The following ZDHHC15 variants were observed in gnomAD, a reference collection of about 807,000 sequenced individuals.
ZDHHC15 encodes the protein zDHHC palmitoyltransferase 15, also known as palmitoyltransferase ZDHHC15.
A neutral mutation model predicts 31.7 loss-of-function variants in ZDHHC15; 19 were observed. That is an observed-to-expected ratio of 0.60 (90% CI 0.42 to 0.88). ZDHHC15 has a LOEUF of 0.88. ZDHHC15 is among the 40% of genes least tolerant of loss of function. The pLI is 0.00. For synonymous variants in ZDHHC15, 103 were observed against 90.0 expected (o/e 1.14, Z -0.82); for missense variants, 209 against 251.2 (o/e 0.83, Z 1.14).
intron 10 of ZDHHC15, among the ~76,000 whole-genome samples, chrX:75,385,322 C>T (rs1278441369): frequency 9.0e-6 from 1 of 111,033 alleles, no homozygotes; most frequent in Admixed American, 9.6e-5. Context: ...GGGATTACAG[C>T]AATCTCTGGC....
intron 10 of ZDHHC15, among the ~76,000 whole-genome samples, chrX:75,413,726 A>G (rs1217518104): frequency 9.0e-6 from 1 of 111,071 alleles, no homozygotes; most frequent in African/African-American, 3.3e-5. Context: ...AACACAGAAC[A>G]TTCAAAAAGG....
intron 8 of ZDHHC15, among the ~76,000 whole-genome samples, chrX:75,422,888 C>T (rs1390486007): frequency 9.3e-6 from 1 of 107,806 alleles, no homozygotes; most frequent in Non-Finnish European, 1.9e-5. Flanking sequence ...ATGTGCCATG[C>T]TGGTGTGCTG....
At chrX:75,422,568 T>C (rs1178585543) in intron 8 of ZDHHC15, among the ~76,000 whole-genome samples, 1 of 111,806 alleles carries the variant, frequency 8.9e-6, no homozygotes, top group Non-Finnish European at 1.9e-5. Flanking sequence ...ACCATGTTAG[T>C]GCACATTATT....
At chrX:75,425,080 T>A (rs1602603760) in intron 7 of ZDHHC15, among the ~76,000 whole-genome samples, 1 of 110,716 alleles carries the variant, frequency 9.0e-6, no homozygotes, top group South Asian at 3.8e-4. Context: ...CGGGCCATAA[T>A]TGGTATGCAA....
At chrX:75,437,268 TTG>T (rs1465334355) in intron 4 of ZDHHC15, among the ~76,000 whole-genome samples, 6 of 28,170 alleles carry the variant, frequency 2.1e-4, no homozygotes, top group Non-Finnish European at 1.2e-3. Flanking sequence ...TTTCTTTTTT[TTG>T]TTTTTTTTTT....
intron 1 of ZDHHC15, among the ~76,000 whole-genome samples, chrX:75,510,117 G>C (rs2085237560): frequency 9.0e-6 from 1 of 111,479 alleles, no homozygotes; most frequent in African/African-American, 3.3e-5. Flanking sequence ...ACTCACACCA[G>C]CCATTCATTT....
chrX:75,427,472 G>A (rs1004848355), intron 7 of ZDHHC15, among the ~76,000 whole-genome samples: 2 of 111,597 alleles, frequency 1.8e-5, no homozygotes, highest in Non-Finnish European at 3.8e-5. Flanking sequence ...GTGGGCTAAA[G>A]GCAAAATGTG....
At chrX:75,374,288 C>A (rs2083034557) in intron 11 of ZDHHC15, among the ~76,000 whole-genome samples, 1 of 109,404 alleles carries the variant, frequency 9.1e-6, no homozygotes, top group Non-Finnish European at 1.9e-5. Context: ...GTAGATATAC[C>A]ACGGGTTGAT....
At chrX:75,403,022 T>C (rs1164585069) in intron 10 of ZDHHC15, among the ~76,000 whole-genome samples, 1 of 111,803 alleles carries the variant, frequency 8.9e-6, no homozygotes, top group African/African-American at 3.3e-5. Flanking sequence ...CAGCAGCATA[T>C]CACCAAGCCA....
chrX:75,376,350 T>C (rs2083060773), intron 11 of ZDHHC15, among the ~76,000 whole-genome samples: 1 of 109,951 alleles, frequency 9.1e-6, no homozygotes, highest in African/African-American at 3.3e-5. Flanking sequence ...TTCCATTCTG[T>C]AGATTGTTTT....
chrX:75,473,955 T>C (rs1038605935), intron 3 of ZDHHC15, among the ~76,000 whole-genome samples: 2 of 111,691 alleles, frequency 1.8e-5, no homozygotes, highest in African/African-American at 6.5e-5. Flanking sequence ...AGTTGTATCA[T>C]GTCAGGCATA....
chrX:75,500,854 C>T (rs749912411), intron 2 of ZDHHC15, among the ~76,000 whole-genome samples: 1 of 109,835 alleles, frequency 9.1e-6, no homozygotes, highest in African/African-American at 3.3e-5. Flanking sequence ...CATACTGTAG[C>T]CCAGACGTTT....
chrX:75,456,821 G>A (rs1391556178), intron 3 of ZDHHC15, among the ~76,000 whole-genome samples: 1 of 111,295 alleles, frequency 9.0e-6, no homozygotes, highest in Non-Finnish European at 1.9e-5. Flanking sequence ...ACAGCAACGG[G>A]TGTCTCCCCT....
At position 75,385,451 on chromosome X, in the gene ZDHHC15, T is replaced by G. The variant is rs1214766633; in HGVS notation, c.968-6253A>C. On this transcript the variant is annotated intron_variant, in intron 10 of 11. Transcript: ENST00000373367. ...GTTCCCCATCACTCACAGAATAAAC[T>G]TATTAGTCTTACGTCTAAGGTCCCA... Among the ~76,000 whole-genome samples the G allele has an allele frequency of 2.7e-5, 3 of 111,788 alleles. No homozygotes were observed. In the Admixed American group the frequency reaches 2.8e-4, roughly 11 times the overall value.
chrX:75,430,934 G>C (rs1298198719), intron 5 of ZDHHC15, among the ~76,000 whole-genome samples: 1 of 111,180 alleles, frequency 9.0e-6, no homozygotes, highest in Non-Finnish European at 1.9e-5. Context: ...ATACTGTCAA[G>C]GTTATCAAAA....
chrX:75,491,681 C>T (rs977415702), intron 2 of ZDHHC15, among the ~76,000 whole-genome samples: 26 of 110,070 alleles, frequency 2.4e-4, no homozygotes, highest in Non-Finnish European at 4.6e-4. Flanking sequence ...ATTTCATATC[C>T]AGCCAAACTA....
intron 3 of ZDHHC15, among the ~76,000 whole-genome samples, chrX:75,464,973 A>G (rs2084379610): frequency 8.9e-6 from 1 of 112,017 alleles, no homozygotes; most frequent in Admixed American, 9.5e-5. Flanking sequence ...GCCAAGAGAA[A>G]GAAATAAAGG....
At chrX:75,427,110 T>G (rs1217790303) in intron 7 of ZDHHC15, among the ~76,000 whole-genome samples, 3 of 111,862 alleles carry the variant, frequency 2.7e-5, no homozygotes, top group Non-Finnish European at 3.8e-5. Flanking sequence ...TACTTTTTAT[T>G]TTAAGGGGAT....
intron 8 of ZDHHC15, 124 bp downstream of exon 8, chrX:75,424,528 T>G: frequency 1.4e-6 from 1 of 711,184 alleles, no homozygotes; most frequent in Non-Finnish European, 2.0e-6. Context: ...TCTGTCTCAG[T>G]CTGGGGGTAG....
Sources: allele counts gnomAD v4.1 joint callset (sites outside exome capture counted in the v4.1 genomes callset), GRCh38; gene constraint gnomAD v4.1.1; transcripts MANE v1.5; gene names NCBI Gene and HGNC (gene_info 2026-07-23, HGNC 2026-07-21).